The following PAN3 variants were observed in gnomAD, a reference collection of about 807,000 sequenced individuals.
The protein encoded by PAN3 is PAN2-PAN3 deadenylation complex subunit PAN3.
PAN3 carries 19 observed loss-of-function variants against 96.2 expected under a neutral mutation model. That is an observed-to-expected ratio of 0.20 (90% confidence interval 0.14 to 0.29). The LOEUF is 0.29. Ranked by LOEUF, PAN3 falls within the 10% of genes least tolerant of loss-of-function variation. PAN3 has a pLI of 1.00. For missense variants in PAN3, 882 were observed against 1,108.1 expected (o/e 0.80, Z 2.90); for synonymous variants, 433 against 406.6 (o/e 1.06, Z -0.78).
At chr13:28,283,603 TTATCA>T (rs375430849) in intron 17 of PAN3, among the ~76,000 whole-genome samples, 24 of 152,358 alleles carry the variant, frequency 1.6e-4, no homozygotes, top group African/African-American at 5.5e-4. Flanking sequence ...ACAGTATATT[TTATCA>T]TAACAGCGTG....
intron 1 of PAN3, among the ~76,000 whole-genome samples, chr13:28,165,414 T>C (rs1873413067): frequency 6.6e-6 from 1 of 151,464 alleles, no homozygotes; most frequent in African/African-American, 2.4e-5. Context: ...TGAGCCACCA[T>C]GCCTGGCCCC....
Position 28,263,323 on chromosome 13 carries a change from GT to G in PAN3, c.1411+1871del, listed in dbSNP as rs567180211. ...AGAAAGCATTGGAAAAATGTTTTTG[GT>G]TTTTTAATTAAAAAAATAAACTTTT... On this transcript the variant is annotated intron_variant, in intron 9 of 18. Transcript: ENST00000380958. 6.3e-4 allele frequency among the ~76,000 whole-genome samples: 96 copies of G among 152,262 alleles called. 1 individual carries two copies. In the South Asian group the frequency reaches 0.012, roughly 19 times the overall value.
Position 28,263,773 on chromosome 13 carries a change from G to A in PAN3, c.1411+2315G>A, listed in dbSNP as rs916870326. Among the ~76,000 whole-genome samples, 5 of 152,078 alleles carry A rather than the reference G, an allele frequency of 3.3e-5. No homozygotes were observed. The East Asian group carries it at 9.6e-4, about 29-fold the overall frequency. ...CTCTTTCTGTAAAATATAAATGAGT[G>A]TATTTTATCTACTTTTAAAATACTT... On this transcript the variant is annotated intron_variant, in intron 9 of 18. Coordinates refer to ENST00000380958, the MANE Select transcript of PAN3 (RefSeq NM_175854.8).
intron 18 of PAN3, among the ~76,000 whole-genome samples, chr13:28,290,245 T>C (rs1348021645): frequency 6.6e-6 from 1 of 152,244 alleles, no homozygotes; most frequent in Admixed American, 6.5e-5. Flanking sequence ...AAATATCTAC[T>C]GTAGCACATG....
intron 4 of PAN3, among the ~76,000 whole-genome samples, chr13:28,184,915 T>C (rs1486803888): frequency 6.6e-6 from 1 of 152,176 alleles, no homozygotes. Flanking sequence ...CATTTTGTTA[T>C]TGGTCTTGAA....
intron 6 of PAN3, among the ~76,000 whole-genome samples, chr13:28,224,073 A>G (rs183117153): frequency 6.6e-6 from 1 of 151,096 alleles, no homozygotes. Context: ...GGGTTTCACC[A>G]TGTTAGCCAG....
In PAN3 at chr13:28,257,720, AAT is replaced by A. The variant is rs1491391021; in HGVS notation, c.1248+1188_1248+1189del. Among the ~76,000 whole-genome samples, 21 of 139,116 alleles carry A rather than the reference AAT, an allele frequency of 1.5e-4. No individual in the cohort carries two copies. In the South Asian group the frequency reaches 3.1e-3, roughly 20 times the overall value. The allele number at this position is 139,116 out of a possible 152,430, so 91.3% of individuals were successfully genotyped here. A position where few individuals can be genotyped will look rare whatever the true frequency, so the allele number is the denominator to read the frequency against. On this transcript the variant is annotated intron_variant, in intron 7 of 18. Coordinates refer to ENST00000380958, the MANE Select transcript of PAN3 (RefSeq NM_175854.8). ...TATATTATATATATTATATATAATT[AAT>A]ATATATTATATATAAATTATATATA...
At chr13:28,267,736 A>C (rs987107802) in intron 12 of PAN3, among the ~76,000 whole-genome samples, 6 of 152,144 alleles carry the variant, frequency 3.9e-5, no homozygotes, top group Admixed American at 2.0e-4. Context: ...AAACTGTCAG[A>C]TCTCATGAGA....
At chr13:28,215,829 G>T (rs779191224) in intron 5 of PAN3, 2 of 1,391,726 alleles carry the variant, frequency 1.4e-6, no homozygotes, top group Non-Finnish European at 2.0e-6. Context: ...CATCAAAGCA[G>T]TGGACAAGAA....
chr13:28,284,053 T>C (rs1868646811), intron 17 of PAN3, among the ~76,000 whole-genome samples: 2 of 152,212 alleles, frequency 1.3e-5, no homozygotes, highest in African/African-American at 4.8e-5. Flanking sequence ...TATAGGCCAA[T>C]TGTGATTGCT....
intron 1 of PAN3, among the ~76,000 whole-genome samples, chr13:28,143,710 C>T (rs1870181910): frequency 6.6e-6 from 1 of 152,148 alleles, no homozygotes; most frequent in South Asian, 2.1e-4. Context: ...TATTAATAAT[C>T]TATAGTTAAC....
chr13:28,282,652 C>A (rs1032427037), intron 17 of PAN3, among the ~76,000 whole-genome samples: 3 of 152,180 alleles, frequency 2.0e-5, no homozygotes, highest in African/African-American at 7.2e-5. Context: ...TTACAAAACA[C>A]CTCTCCCATG....
At chr13:28,144,511 G>A (rs1052970149) in intron 1 of PAN3, among the ~76,000 whole-genome samples, 1 of 151,814 alleles carries the variant, frequency 6.6e-6, no homozygotes, top group African/African-American at 2.4e-5. Flanking sequence ...CACTGGGCCC[G>A]GCCGGTTTCG....
rs1207822605 is a variant in PAN3 at position 28,293,886 on chromosome 13, G to A, written c.*1364G>A. Reference sequence around the variant, plus strand: ...AGCACTGAATGTTTTACTAGCACTGGGTGCTCACCATGCAACTGAAGAAAA... The same window carrying A: ...AGCACTGAATGTTTTACTAGCACTGAGTGCTCACCATGCAACTGAAGAAAA... On this transcript the variant is annotated 3_prime_UTR_variant, in exon 19 of 19. Transcript: ENST00000380958. 5 of 152,666 alleles carry A rather than the reference G, an allele frequency of 3.3e-5. 1 individual carries two copies. In the East Asian group the frequency reaches 9.6e-4, roughly 29 times the overall value. The allele number at this position is 152,666 out of a possible 1,614,324, so 9.5% of individuals were successfully genotyped here. A position where few individuals can be genotyped will look rare whatever the true frequency, so the allele number is the denominator to read the frequency against.
chr13:28,257,721 A>AT (rs1491280904), intron 7 of PAN3, among the ~76,000 whole-genome samples: 2 of 139,076 alleles, frequency 1.4e-5, no homozygotes, highest in Non-Finnish European at 3.1e-5. Flanking sequence ...TATATAATTA[A>AT]TATATATTAT....
chr13:28,254,236 T>G (rs772867867), intron 6 of PAN3, among the ~76,000 whole-genome samples: 1 of 152,218 alleles, frequency 6.6e-6, no homozygotes, highest in Non-Finnish European at 1.5e-5. Flanking sequence ...TTGATTATGT[T>G]GCTGAATTAC....
rs569244037 is a variant in PAN3 at position 28,171,210 on chromosome 13, G to A, written c.431-3062G>A. Among the ~76,000 whole-genome samples the A allele has an allele frequency of 2.6e-5, 4 of 152,240 alleles. No individual in the cohort carries two copies. In the South Asian group the frequency reaches 6.2e-4, roughly 24 times the overall value. ...CATCATTACCCTCAAATAAAAATGT[G>A]TTCCCCTTTCACTTCACATTGTAAA... On this transcript the variant is annotated intron_variant, in intron 1 of 18. Coordinates refer to ENST00000380958, the MANE Select transcript of PAN3 (RefSeq NM_175854.8).
intron 1 of PAN3, among the ~76,000 whole-genome samples, chr13:28,139,818 C>T (rs934119227): frequency 2.0e-5 from 3 of 152,192 alleles, no homozygotes; most frequent in African/African-American, 7.2e-5. Flanking sequence ...TCTTCTATAG[C>T]TTTGTATCAA....
chr13:28,235,718 C>CACACACAT (rs766219954), intron 6 of PAN3, among the ~76,000 whole-genome samples: 221 of 150,816 alleles, frequency 1.5e-3, no homozygotes, highest in Admixed American at 2.5e-3. Context: ...CACACACACA[C>CACACACAT]ACACATATAT....
Sources: gnomAD v4.1 joint callset for allele counts (sites outside exome capture counted in the v4.1 genomes callset) on GRCh38, gnomAD v4.1.1 for gene constraint, MANE v1.5 for transcripts, NCBI Gene and HGNC (gene_info 2026-07-23, HGNC 2026-07-21) for gene names.